The following PRDM6 variants were observed in gnomAD, a reference collection of about 807,000 sequenced individuals.
PRDM6 encodes PR/SET domain 6.
A neutral mutation model predicts 60.8 loss-of-function variants in PRDM6; 25 were observed. That is an observed-to-expected ratio of 0.41 (90% confidence interval 0.30 to 0.57). The LOEUF (loss-of-function observed/expected upper bound fraction) is 0.57, where lower values mean the gene tolerates loss of function less well. PRDM6 is among the 20% of genes least tolerant of loss of function. The pLI is 0.27. For synonymous variants in PRDM6, 407 were observed against 357.4 expected, an observed-to-expected ratio of 1.14 and a Z score of -1.57; for missense variants, 839 against 821.3, an observed-to-expected ratio of 1.02 and a Z score of -0.26.
chr5:123,139,693 C>G (rs1435190613), intron 3 of PRDM6, among the ~76,000 whole-genome samples: 1 of 152,100 alleles, frequency 6.6e-6, no homozygotes, highest in African/African-American at 2.4e-5. Context: ...TATAGGGTCA[C>G]TGCATCTACT....
chr5:123,138,079 A>G (rs1765008673), intron 3 of PRDM6, among the ~76,000 whole-genome samples: 3 of 152,150 alleles, frequency 2.0e-5, no homozygotes. Context: ...GACAGCCCAC[A>G]TGGTTTTCCA....
intron 4 of PRDM6, 39 bp downstream of exon 4, chr5:123,156,050 C>T (rs780298123): frequency 3.9e-5 from 59 of 1,527,376 alleles, no homozygotes; most frequent in Non-Finnish European, 4.9e-5. Context: ...AGAGCTGAAG[C>T]CATTTGGCTT....
chr5:123,099,357 G>A lies in PRDM6; in HGVS notation c.593-297G>A, dbSNP rs966538375. On this transcript the variant is annotated intron_variant, in intron 2 of 7. Transcript: ENST00000407847. The surrounding 1 kb of genome is among the most constrained non-coding windows in gnomAD (Gnocchi z 4.0). The stretch of plus-strand genomic sequence containing the variant: ...CGGGAGGAAGAAGCCTGGAACTGTC[G>A]GTTCCGTGGAGAGCGGACATGCTAT... Among the ~76,000 whole-genome samples the A allele has an allele frequency of 2.0e-5, 3 of 152,186 alleles. No individual in the cohort carries two copies. Among genetic ancestry groups the A allele is most frequent in the Admixed American group, 2.0e-4 (3 of 15,278 alleles).
intron 3 of PRDM6, among the ~76,000 whole-genome samples, chr5:123,137,663 T>A (rs1367156630): frequency 6.6e-6 from 1 of 152,070 alleles, no homozygotes; most frequent in African/African-American, 2.4e-5. Flanking sequence ...AAGGGAAGGA[T>A]AGCATTAGGA....
intron 2 of PRDM6, among the ~76,000 whole-genome samples, chr5:123,095,258 T>A (rs1332291517): frequency 5.3e-5 from 8 of 152,224 alleles, no homozygotes; most frequent in African/African-American, 1.9e-4. Context: ...CCACGCCTCA[T>A]GTCAGAAGAG....
chr5:123,126,382 C>T (rs1764695473), intron 3 of PRDM6, among the ~76,000 whole-genome samples: 1 of 151,812 alleles, frequency 6.6e-6, no homozygotes, highest in Non-Finnish European at 1.5e-5. Context: ...GGCTCTGATG[C>T]ACCAAGTGTT....
intron 2 of PRDM6, among the ~76,000 whole-genome samples, chr5:123,098,332 C>G (rs1764006348): frequency 1.3e-5 from 2 of 152,220 alleles, no homozygotes; most frequent in African/African-American, 4.8e-5. Flanking sequence ...CTGACACTTG[C>G]GCGGGGTCGC....
intron 5 of PRDM6, among the ~76,000 whole-genome samples, chr5:123,169,414 G>A (rs908607765): frequency 2.6e-5 from 4 of 152,120 alleles, no homozygotes; most frequent in Non-Finnish European, 4.4e-5. Flanking sequence ...CACCACCCCA[G>A]TTTAGGGCCA....
chr5:123,142,061 C>T (rs1283310500), intron 3 of PRDM6, among the ~76,000 whole-genome samples: 2 of 152,036 alleles, frequency 1.3e-5, no homozygotes, highest in African/African-American at 2.4e-5. Flanking sequence ...CTCAACGGCT[C>T]GGAAGGCATA....
chr5:123,182,046 G>A (rs530674962), intron 7 of PRDM6, among the ~76,000 whole-genome samples: 1 of 152,248 alleles, frequency 6.6e-6, no homozygotes, highest in Non-Finnish European at 1.5e-5. Context: ...AAGAGCATCT[G>A]GCTAAGTGGG....
Position 123,188,508 on chromosome 5 carries a change from T to C in PRDM6, c.*1307T>C, listed in dbSNP as rs1766338388. On this transcript the variant is annotated 3_prime_UTR_variant, in exon 8 of 8. Transcript: ENST00000407847. ...GGTCACATTTAATGAAATGATCTAG[T>C]TTTGGGAAGAGCTGATAGCTCCCAG... The C allele has an allele frequency of 6.6e-6, 1 of 152,194 alleles. No individual in the cohort carries two copies. The highest frequency in any genetic ancestry group is 1.5e-5 in the Non-Finnish European group (1 of 68,042). 9.4% of individuals were successfully genotyped at this position (152,194 alleles called of 1,614,324 possible).
intron 3 of PRDM6, among the ~76,000 whole-genome samples, chr5:123,148,140 G>C (rs562878888): frequency 5.6e-4 from 85 of 152,276 alleles, no homozygotes; most frequent in African/African-American, 1.9e-3. Context: ...TTTCAGTCTT[G>C]ACTTATATGT....
In PRDM6 at chr5:123,090,185, G is replaced by C; in HGVS notation, c.171G>C (p.Pro57=). Reference sequence around the variant, plus strand: ...CTCTTCAGCCGCCGCCGCCGCCCCCGCCCCCGGAGCGCGCTGAGCCTCCGC... The same window carrying C: ...CTCTTCAGCCGCCGCCGCCGCCCCCCCCCCCGGAGCGCGCTGAGCCTCCGC... ...PQPLQPPPPP[P]PPERAEPPPD... Residue 57 remains proline (P), a synonymous_variant, in exon 2 of 8, where the codon CCG becomes CCC. Transcript: ENST00000407847. 1 of 1,484,204 alleles carries C rather than the reference G, an allele frequency of 6.7e-7. No individual in the cohort carries two copies. Among genetic ancestry groups the C allele is most frequent in the Non-Finnish European group, 8.9e-7 (1 of 1,121,464 alleles). The allele number at this position is 1,484,204 out of a possible 1,614,324, so 91.9% of individuals were successfully genotyped here. A position where few individuals can be genotyped will look rare whatever the true frequency, so the allele number is the denominator to read the frequency against.
At chr5:123,165,194 G>A (rs1252536605) in intron 5 of PRDM6, among the ~76,000 whole-genome samples, 1 of 152,104 alleles carries the variant, frequency 6.6e-6, no homozygotes. Flanking sequence ...CAGCTGTCTT[G>A]GCAACATCTT....
chr5:123,187,036 A>T (rs1041508063), intron 7 of PRDM6, 51 bp from the exon 8 acceptor site: 7 of 1,352,580 alleles, frequency 5.2e-6, no homozygotes, highest in Non-Finnish European at 7.2e-6. Flanking sequence ...GAAGCCCATC[A>T]CCCTGCAGGC....
chr5:123,144,380 G>A (rs2126863765), intron 3 of PRDM6, among the ~76,000 whole-genome samples: 1 of 152,254 alleles, frequency 6.6e-6, no homozygotes. Flanking sequence ...TTCACTTAAG[G>A]ATAAAGATCA....
intron 3 of PRDM6, among the ~76,000 whole-genome samples, chr5:123,131,918 AG>A (rs1334757375): frequency 1.3e-5 from 2 of 152,166 alleles, no homozygotes; most frequent in African/African-American, 4.8e-5. Flanking sequence ...TTCTTGGGTT[AG>A]TTGTTTAGCC....
At chr5:123,109,007 G>C (rs994230018) in intron 3 of PRDM6, among the ~76,000 whole-genome samples, 1 of 151,962 alleles carries the variant, frequency 6.6e-6, no homozygotes, top group Middle Eastern at 3.2e-3. Flanking sequence ...TCTCCTGGTG[G>C]AAAATTTTAT....
chr5:123,119,232 A>C (rs887893016), intron 3 of PRDM6, among the ~76,000 whole-genome samples: 14 of 152,230 alleles, frequency 9.2e-5, no homozygotes, highest in Admixed American at 3.3e-4. Flanking sequence ...AAAACTAAGG[A>C]ATGCAAATGT....
Sources: allele counts gnomAD v4.1 joint callset (sites outside exome capture counted in the v4.1 genomes callset), GRCh38; gene constraint gnomAD v4.1.1; non-coding constraint Gnocchi (gnomAD v3.1); transcripts MANE v1.5; gene names NCBI Gene and HGNC (gene_info 2026-07-23, HGNC 2026-07-21).